FMN1: variants seen among roughly 807,000 people sequenced by gnomAD.
FMN1 encodes formin 1.
Under a neutral mutation model 132.4 loss-of-function variants are expected in FMN1, and 110 were observed. That is an observed-to-expected ratio of 0.83 (90% confidence interval 0.71 to 0.97). FMN1 has a LOEUF of 0.97. Ranked by LOEUF, FMN1 falls within the 50% of genes least tolerant of loss-of-function variation. The pLI is 0.00. For synonymous variants in FMN1, 722 were observed against 651.7 expected, an observed-to-expected ratio of 1.11 and a Z score of -1.64; for missense variants, 1,792 against 1,705.3, an observed-to-expected ratio of 1.05 and a Z score of -0.90.
intron 7 of FMN1, among the ~76,000 whole-genome samples, chr15:32,981,302 TA>T: frequency 6.6e-6 from 1 of 151,798 alleles, no homozygotes; most frequent in East Asian, 1.9e-4. Context: ...CCATCCTGGT[TA>T]ATAAGGTGAA....
chr15:33,088,697 A>C (rs756527707), intron 5 of FMN1, 102 bp downstream of exon 5: 1 of 1,043,640 alleles, frequency 9.6e-7, no homozygotes, highest in Non-Finnish European at 1.3e-6. Flanking sequence ...TGATCCATAC[A>C]TTAAATGCAG....
intron 4 of FMN1, among the ~76,000 whole-genome samples, chr15:33,138,490 G>A (rs1240481003): frequency 6.6e-6 from 1 of 151,962 alleles, no homozygotes; most frequent in Non-Finnish European, 1.5e-5. Context: ...CGTTCCCAGC[G>A]AGATACTGCC....
At chr15:33,140,170 A>G (rs1016248422) in intron 4 of FMN1, among the ~76,000 whole-genome samples, 4 of 149,056 alleles carry the variant, frequency 2.7e-5, no homozygotes, top group Non-Finnish European at 3.0e-5. Context: ...TTTTGTCCCT[A>G]TGCAACTTTC....
chr15:32,885,371 TTC>T (rs779205564), intron 16 of FMN1, among the ~76,000 whole-genome samples: 12 of 152,184 alleles, frequency 7.9e-5, no homozygotes, highest in East Asian at 1.9e-4. Flanking sequence ...TGCCAAAACT[TTC>T]TGTCTGATCT....
At chr15:32,939,011 T>C (rs2061341817) in intron 9 of FMN1, among the ~76,000 whole-genome samples, 1 of 152,200 alleles carries the variant, frequency 6.6e-6, no homozygotes, top group African/African-American at 2.4e-5. Flanking sequence ...GAAGAGGGAA[T>C]AGAACGACCT....
rs1444523400 is a variant in FMN1 at position 32,785,218 on chromosome 15, A to ATATATATTTTTTTTTTTTTT, written c.4131-8300_4131-8299insAAAAAAAAAAAAAATATATA. Among the ~76,000 whole-genome samples, 11 of 39,196 alleles carry ATATATATTTTTTTTTTTTTT rather than the reference A, an allele frequency of 2.8e-4. 1 individual carries two copies. The highest frequency in any genetic ancestry group is 3.2e-4 in the Non-Finnish European group (7 of 22,114). 25.7% of individuals were successfully genotyped at this position (39,196 alleles called of 152,430 possible). On this transcript the variant is annotated intron_variant, in intron 19 of 20. Transcript: ENST00000616417. The stretch of plus-strand genomic sequence containing the variant: ...TGTGTGTGTATATATATATATATAT[A>ATATATATTTTTTTTTTTTTT]TTTTTTTTTTTTTTTTTTTGTAGAG...
intron 4 of FMN1, among the ~76,000 whole-genome samples, chr15:33,107,312 C>T (rs2039525107): frequency 6.6e-6 from 1 of 152,072 alleles, no homozygotes; most frequent in African/African-American, 2.4e-5. Context: ...TTCCTTCTTC[C>T]ACTCGTGCCT....
At chr15:33,150,714 CTCTT>C in intron 4 of FMN1, 2 of 985,498 alleles carry the variant, frequency 2.0e-6, no homozygotes. Flanking sequence ...CAGACTTAAT[CTCTT>C]TCTTAAGCAG....
At chr15:32,913,875 C>T (rs1350397408) in intron 10 of FMN1, among the ~76,000 whole-genome samples, 1 of 152,084 alleles carries the variant, frequency 6.6e-6, no homozygotes, top group African/African-American at 2.4e-5. Flanking sequence ...AGACTGAGTC[C>T]TGCTGATGGG....
At chr15:32,985,582 G>T (rs950631370) in intron 7 of FMN1, among the ~76,000 whole-genome samples, 1 of 152,114 alleles carries the variant, frequency 6.6e-6, no homozygotes, top group Non-Finnish European at 1.5e-5. Context: ...CCCATGAACA[G>T]CCTGTTACAT....
intron 6 of FMN1, among the ~76,000 whole-genome samples, chr15:33,036,471 G>A (rs534607884): frequency 1.8e-4 from 27 of 152,162 alleles, no homozygotes; most frequent in African/African-American, 6.0e-4. Context: ...CCTCATTCAA[G>A]TACTTAGAAA....
chr15:32,780,078 T>C (rs1035832594), intron 19 of FMN1, among the ~76,000 whole-genome samples: 1 of 152,190 alleles, frequency 6.6e-6, no homozygotes. Flanking sequence ...GTGTGCCTTA[T>C]TTCCTAAAAA....
chr15:33,147,359 T>G (rs1349970260), intron 4 of FMN1, among the ~76,000 whole-genome samples: 4 of 152,188 alleles, frequency 2.6e-5, no homozygotes, highest in Non-Finnish European at 5.9e-5. Context: ...TCTCTAAAAT[T>G]TAATATCTAT....
chr15:32,927,258 T>A (rs1035945532), intron 9 of FMN1, among the ~76,000 whole-genome samples: 2 of 152,194 alleles, frequency 1.3e-5, no homozygotes, highest in Non-Finnish European at 2.9e-5. Flanking sequence ...TAGTTTTAAA[T>A]TAATCAATTA....
In FMN1 at chr15:33,126,165, G is replaced by A. The variant is rs534132939; in HGVS notation, c.1867+26883C>T. ...AAATGAGTTTATCCCCGGTCATGAGGAGCATACATCCTCATTAGAGACATG... is the reference window on the plus strand; with the variant it reads ...AAATGAGTTTATCCCCGGTCATGAGAAGCATACATCCTCATTAGAGACATG... On this transcript the variant is annotated intron_variant, in intron 4 of 20. Coordinates refer to ENST00000616417, the MANE Select transcript of FMN1 (RefSeq NM_001277313.2). 1.0e-3 allele frequency among the ~76,000 whole-genome samples: 159 copies of A among 152,236 alleles called. 1 individual carries two copies. The highest frequency in any genetic ancestry group is 1.9e-3 in the Non-Finnish European group (131 of 68,022).
At chr15:32,940,391 T>TTGTGTGTGTGTGTGTGTG (rs67121672) in intron 9 of FMN1, among the ~76,000 whole-genome samples, 9 of 145,422 alleles carry the variant, frequency 6.2e-5, no homozygotes, top group African/African-American at 2.0e-4. Context: ...AAAATAAAAA[T>TTGTGTGTGTGTGTGTGTG]TGTGTGTGTG....
At chr15:32,943,495 C>T (rs1295501891) in intron 9 of FMN1, among the ~76,000 whole-genome samples, 3 of 152,188 alleles carry the variant, frequency 2.0e-5, no homozygotes, top group Non-Finnish European at 4.4e-5. Context: ...GTCTTAGTAA[C>T]AGTCATCCCA....
At chr15:33,112,222 T>TA (rs960030964) in intron 4 of FMN1, among the ~76,000 whole-genome samples, 25 of 152,146 alleles carry the variant, frequency 1.6e-4, no homozygotes, top group Non-Finnish European at 2.9e-4. Context: ...CTTAAAATTA[T>TA]AAAGGTATAA....
intron 6 of FMN1, among the ~76,000 whole-genome samples, chr15:33,046,258 G>C (rs343903): frequency 1.3e-5 from 2 of 152,036 alleles, no homozygotes; most frequent in East Asian, 3.9e-4. Flanking sequence ...GGGAAGCAGC[G>C]AGTCTTACAG....
Sources: gnomAD v4.1 joint callset for allele counts (sites outside exome capture counted in the v4.1 genomes callset) on GRCh38, gnomAD v4.1.1 for gene constraint, MANE v1.5 for transcripts, NCBI Gene and HGNC (gene_info 2026-07-23, HGNC 2026-07-21) for gene names.